Variants in ELMO1 observed in about 807,000 individuals in gnomAD.
ELMO1 encodes the protein engulfment and cell motility 1.
A neutral mutation model predicts 98.9 loss-of-function variants in ELMO1; 26 were observed. The ratio of observed to expected loss-of-function variants is 0.26; its 90% CI spans 0.19 to 0.36. The LOEUF (loss-of-function observed/expected upper bound fraction) is 0.36, where lower values mean the gene tolerates loss of function less well. ELMO1 is among the 10% of genes least tolerant of loss of function. The pLI is 1.00. For missense variants in ELMO1, 627 were observed against 935.2 expected (o/e 0.67, Z 4.30); for synonymous variants, 346 against 346.0 (o/e 1.00, Z 0.00).
intron 2 of ELMO1, among the ~76,000 whole-genome samples, chr7:37,334,514 A>G (rs1410583050): frequency 1.3e-5 from 2 of 152,150 alleles, no homozygotes; most frequent in African/African-American, 2.4e-5. Flanking sequence ...TCAAATCAGT[A>G]CCTTCCTAGC....
intron 4 of ELMO1, among the ~76,000 whole-genome samples, chr7:37,308,840 C>T (rs1245192539): frequency 6.6e-6 from 1 of 152,150 alleles, no homozygotes; most frequent in Non-Finnish European, 1.5e-5. Context: ...ATACAAGCAG[C>T]CTTTGGGCAT....
intron 10 of ELMO1, among the ~76,000 whole-genome samples, chr7:37,220,326 G>T (rs568643624): frequency 1.1e-4 from 17 of 152,170 alleles, no homozygotes; most frequent in Non-Finnish European, 1.8e-4. Context: ...TAAATACCTT[G>T]TAGGTATTTT....
chr7:37,336,341 A>C (rs1209892449), intron 2 of ELMO1, among the ~76,000 whole-genome samples: 1 of 152,250 alleles, frequency 6.6e-6, no homozygotes, highest in Non-Finnish European at 1.5e-5. Flanking sequence ...CAGTTTCACT[A>C]ACCATTTGTC....
At position 37,041,272 on chromosome 7, in the gene ELMO1, C is replaced by T. The variant is rs141458765; in HGVS notation, c.1301-27837G>A. Among the ~76,000 whole-genome samples the T allele has an allele frequency of 1.5e-3, 233 of 152,200 alleles. 7 individuals are homozygous for T. In the East Asian group the frequency reaches 0.043, roughly 28 times the overall value. On this transcript the variant is annotated intron_variant, in intron 15 of 21. Coordinates refer to ENST00000310758, the MANE Select transcript of ELMO1 (RefSeq NM_014800.11). ...TAATGTCCTTAGGGGAAAGGAATAA[C>T]ACAAAGATTAATGTGATCATTTGTC...
At chr7:37,165,882 A>C (rs533414824) in intron 13 of ELMO1, among the ~76,000 whole-genome samples, 2,053 of 152,066 alleles carry the variant, frequency 0.014, 18 homozygotes, top group Middle Eastern at 0.031. Context: ...CCCTCTTTTT[A>C]TATTGATTGG....
intron 16 of ELMO1, among the ~76,000 whole-genome samples, chr7:36,917,922 A>T (rs1784831625): frequency 6.6e-6 from 1 of 152,238 alleles, no homozygotes; most frequent in African/African-American, 2.4e-5. Flanking sequence ...TACAACATAG[A>T]TATATCTGAA....
intron 16 of ELMO1, among the ~76,000 whole-genome samples, chr7:36,925,304 C>T (rs1360625245): frequency 6.6e-6 from 1 of 152,066 alleles, no homozygotes; most frequent in South Asian, 2.1e-4. Context: ...TTTTTCGTGA[C>T]TCTCTGAGTG....
intron 21 of ELMO1, among the ~76,000 whole-genome samples, chr7:36,856,408 G>A (rs1802200662): frequency 6.6e-6 from 1 of 152,232 alleles, no homozygotes; most frequent in African/African-American, 2.4e-5. Context: ...AGGGTTGGCT[G>A]CCTGTCTGGG....
chr7:37,008,095 C>T (rs1793271651), intron 16 of ELMO1, among the ~76,000 whole-genome samples: 1 of 152,158 alleles, frequency 6.6e-6, no homozygotes, highest in African/African-American at 2.4e-5. Flanking sequence ...TTAGTTTCTT[C>T]CATTTTGGTA....
chr7:37,176,268 T>C (rs1197254851), intron 13 of ELMO1, among the ~76,000 whole-genome samples: 1 of 152,196 alleles, frequency 6.6e-6, no homozygotes, highest in Non-Finnish European at 1.5e-5. Context: ...ATCCTAACAA[T>C]ACTTTCAAAG....
At chr7:37,444,478 C>T (rs1158436736) in intron 1 of ELMO1, among the ~76,000 whole-genome samples, 2 of 152,074 alleles carry the variant, frequency 1.3e-5, no homozygotes, top group Non-Finnish European at 1.5e-5. Context: ...AAGATGGCAG[C>T]ATGAGGGCCT....
intron 6 of ELMO1, among the ~76,000 whole-genome samples, chr7:37,250,755 G>A (rs2130746284): frequency 7.1e-6 from 1 of 141,092 alleles, no homozygotes; most frequent in African/African-American, 2.7e-5. Context: ...TTGCGCCATT[G>A]CACTCCAGCC....
chr7:37,192,932 T>C (rs1200292877), intron 13 of ELMO1, among the ~76,000 whole-genome samples: 1 of 144,878 alleles, frequency 6.9e-6, no homozygotes, highest in Non-Finnish European at 1.5e-5. Flanking sequence ...ATATATAATT[T>C]ATATATAGAT....
chr7:37,114,354 G>C (rs1359479987), intron 14 of ELMO1, among the ~76,000 whole-genome samples: 1 of 152,160 alleles, frequency 6.6e-6, no homozygotes. Context: ...AAGGAGGTAG[G>C]TTTCTGGAAA....
In ELMO1 at chr7:37,315,959, T is replaced by C; in HGVS notation, c.80A>G (p.Lys27Arg). The C allele has an allele frequency of 6.3e-7, 1 of 1,584,830 alleles. No individual in the cohort carries two copies. The highest frequency in any genetic ancestry group is 8.5e-7 in the Non-Finnish European group (1 of 1,172,298). Residue 27 changes from lysine (K) to arginine (R), a missense_variant and splice_region_variant, in exon 3 of 22, where the codon AAA becomes AGA. By Grantham distance (26) the Lys-to-Arg change is conservative. This residue lies in a region of ELMO1 where 123 missense variants were observed against 171.2 expected (regional missense o/e 0.72). Coordinates refer to ENST00000310758, the MANE Select transcript of ELMO1 (RefSeq NM_014800.11). ...CTTTATTATTGCAGACAGTGGTTTT[T>C]TCTGCAAAATAACAAAAAAGGAAAT... ...AYPKLMEIDQ[K>R]KPLSAIIKEV... is the part of the protein sequence containing the mutation.
intron 1 of ELMO1, among the ~76,000 whole-genome samples, chr7:37,355,812 C>T (rs1776556138): frequency 6.6e-6 from 1 of 152,230 alleles, no homozygotes; most frequent in South Asian, 2.1e-4. Flanking sequence ...AAATGGATGT[C>T]ATCTTGAGTT....
At chr7:37,334,043 A>T (rs926826267) in intron 2 of ELMO1, among the ~76,000 whole-genome samples, 23 of 152,220 alleles carry the variant, frequency 1.5e-4, no homozygotes, top group African/African-American at 5.3e-4. Context: ...TTTCAAATGT[A>T]GGTCCAACAG....
At chr7:37,274,452 G>A (rs937822642) in intron 4 of ELMO1, among the ~76,000 whole-genome samples, 1 of 152,156 alleles carries the variant, frequency 6.6e-6, no homozygotes, top group Non-Finnish European at 1.5e-5. Flanking sequence ...CTTAAGGCAG[G>A]TCCCTTCCCA....
chr7:37,289,371 AAGAG>A (rs1366276058), intron 4 of ELMO1, among the ~76,000 whole-genome samples: 1 of 152,158 alleles, frequency 6.6e-6, no homozygotes, highest in East Asian at 1.9e-4. Context: ...CATTTTTTAA[AAGAG>A]AGAGTTGAGA....
Sources: allele counts gnomAD v4.1 joint callset (sites outside exome capture counted in the v4.1 genomes callset), GRCh38; gene constraint gnomAD v4.1.1; regional missense constraint gnomAD v4.1.1; transcripts MANE v1.5; gene names NCBI Gene and HGNC (gene_info 2026-07-23, HGNC 2026-07-21).